RUFY1: variants seen among roughly 807,000 people sequenced by gnomAD.
RUFY1 encodes the protein RUN and FYVE domain containing 1, also known as RUN and FYVE domain-containing protein 1.
A neutral mutation model predicts 94.6 loss-of-function variants in RUFY1; 54 were observed. That is an observed-to-expected ratio of 0.57 (90% CI 0.46 to 0.72). RUFY1 has a LOEUF of 0.72. RUFY1 is among the 30% of genes least tolerant of loss of function. The pLI is 0.00. For synonymous variants in RUFY1, 396 were observed against 347.3 expected, an observed-to-expected ratio of 1.14 and a Z score of -1.56; for missense variants, 883 against 883.9, an observed-to-expected ratio of 1.00 and a Z score of 0.01.
At chr5:179,607,933 C>T (rs1767282752) in intron 17 of RUFY1, among the ~76,000 whole-genome samples, 1 of 152,184 alleles carries the variant, frequency 6.6e-6, no homozygotes, top group African/African-American at 2.4e-5. Context: ...GATGGGGCTC[C>T]TTGTGTGCAG....
intron 13 of RUFY1, chr5:179,596,998 G>A (rs1228168138): frequency 3.2e-6 from 1 of 315,114 alleles, no homozygotes. Flanking sequence ...TGAACAGAAA[G>A]TCACCTTTCA....
At position 179,572,659 on chromosome 5, in the gene RUFY1, A is replaced by G. The variant is rs184674589; in HGVS notation, c.828+3234A>G. The G allele has an allele frequency of 1.1e-4, 20 of 177,638 alleles. No homozygotes were observed. In the East Asian group the frequency reaches 3.0e-3, roughly 27 times the overall value. 11.0% of individuals were successfully genotyped at this position (177,638 alleles called of 1,614,324 possible). The stretch of plus-strand genomic sequence containing the variant: ...TCCAGTACGCAGATGAGCACGGGAA[A>G]GTTTGTCCCACTGGCTGGAAGCCTG... On this transcript the variant is annotated intron_variant, in intron 5 of 17. Transcript: ENST00000319449.
intron 6 of RUFY1, among the ~76,000 whole-genome samples, chr5:179,579,381 A>G (rs1339345661): frequency 6.6e-6 from 1 of 151,928 alleles, no homozygotes; most frequent in Non-Finnish European, 1.5e-5. Flanking sequence ...CCCAGGCTGG[A>G]GTGTAGCGGC....
chr5:179,601,520 ATCTT>A (rs1051778839), intron 14 of RUFY1, among the ~76,000 whole-genome samples: 8 of 148,916 alleles, frequency 5.4e-5, no homozygotes, highest in Non-Finnish European at 8.9e-5. Flanking sequence ...TGGTTGCTGA[ATCTT>A]TTTTTTTTTT....
chr5:179,584,618 C>CA (rs902165699), intron 7 of RUFY1, among the ~76,000 whole-genome samples: 6 of 151,586 alleles, frequency 4.0e-5, no homozygotes, highest in African/African-American at 1.2e-4. Context: ...CTCACCTCTA[C>CA]AAAAAAATAC....
chr5:179,600,278 C>T (rs1766211593), intron 14 of RUFY1, among the ~76,000 whole-genome samples: 1 of 152,234 alleles, frequency 6.6e-6, no homozygotes, highest in South Asian at 2.1e-4. Context: ...TCCACCGCTG[C>T]TCCCAGTGGT....
intron 9 of RUFY1, among the ~76,000 whole-genome samples, chr5:179,590,461 T>C (rs1282919337): frequency 6.6e-6 from 1 of 152,064 alleles, no homozygotes; most frequent in East Asian, 1.9e-4. Flanking sequence ...TTCCTGCGAA[T>C]GGAGTCTTGT....
chr5:179,602,378 C>T lies in RUFY1; in HGVS notation c.1856+392C>T, dbSNP rs534242598. On this transcript the variant is annotated intron_variant, in intron 15 of 17. Transcript: ENST00000319449. ...CTGGCACAGTAGAGGTGCACTCACC[C>T]GCCTTGCACAGCACAGCCCCCTTCC... 2.2e-5 allele frequency: 4 copies of T among 185,760 alleles called. No homozygotes were observed. In the South Asian group the frequency reaches 3.6e-4, roughly 17 times the overall value. 11.5% of individuals were successfully genotyped at this position (185,760 alleles called of 1,614,324 possible).
intron 8 of RUFY1, 144 bp from the exon 9 acceptor site, chr5:179,589,402 A>G: frequency 1.6e-6 from 1 of 618,076 alleles, no homozygotes; most frequent in Non-Finnish European, 2.9e-6. Context: ...GGAACCATGT[A>G]TTATTACCTA....
At chr5:179,555,694 C>A (rs1300368022) in intron 1 of RUFY1, 1 of 385,980 alleles carries the variant, frequency 2.6e-6, no homozygotes, top group Non-Finnish European at 5.1e-6. Context: ...ATGGCGTGAT[C>A]TCGGGTCACG....
At chr5:179,586,200 G>T in intron 8 of RUFY1, 1 of 432,138 alleles carries the variant, frequency 2.3e-6, no homozygotes, top group South Asian at 1.9e-5. Flanking sequence ...GATGCCGTGT[G>T]CCTCCCTGCT....
At chr5:179,586,444 G>C (rs562981934) in intron 8 of RUFY1, 7 of 456,572 alleles carry the variant, frequency 1.5e-5, no homozygotes, top group African/African-American at 1.0e-4. Flanking sequence ...TAGCAGGAGG[G>C]GGGTGCTCAG....
At chr5:179,583,055 C>T (rs1764284322) in intron 7 of RUFY1, among the ~76,000 whole-genome samples, 1 of 151,936 alleles carries the variant, frequency 6.6e-6, no homozygotes, top group African/African-American at 2.4e-5. Context: ...GTAATCCCAG[C>T]ACTTTGGGAG....
Position 179,589,621 on chromosome 5 carries a change from C to A in RUFY1, c.1102C>A (p.Arg368=). Residue 368 remains arginine, a synonymous_variant, in exon 9 of 18, where the codon CGA becomes AGA. Coordinates refer to ENST00000319449, the MANE Select transcript of RUFY1 (RefSeq NM_025158.5). ...QQLREQNELI[R]ERSEKSVEIT... ...GTTAAGAGAACAAAATGAATTAATTCGAGAAAGAAGTGAAAAGAGTGTAGA... is the reference window on the plus strand; with the variant it reads ...GTTAAGAGAACAAAATGAATTAATTAGAGAAAGAAGTGAAAAGAGTGTAGA... 1 of 1,613,626 alleles carries A rather than the reference C, an allele frequency of 6.2e-7. No homozygotes were observed.
At chr5:179,580,179 C>T (rs1213079597) in intron 6 of RUFY1, among the ~76,000 whole-genome samples, 7 of 150,212 alleles carry the variant, frequency 4.7e-5, no homozygotes, top group African/African-American at 1.2e-4. Flanking sequence ...ACATATATCC[C>T]GTTTTTGTAA....
chr5:179,607,503 G>T (rs1454078387), intron 16 of RUFY1, 79 bp from the exon 17 acceptor site: 1 of 1,162,618 alleles, frequency 8.6e-7, no homozygotes, highest in African/African-American at 1.5e-5. Flanking sequence ...GAGGGACAAT[G>T]GATGTGGCCA....
At position 179,607,706 on chromosome 5, in the gene RUFY1, C is replaced by A. The variant is rs72824532; in HGVS notation, c.1983+47C>A. On this transcript the variant is annotated intron_variant, in intron 17 of 17. Coordinates refer to ENST00000319449, the MANE Select transcript of RUFY1 (RefSeq NM_025158.5). ...CCTCCCAGTGCCCTGAGTCGTTGCC[C>A]GCTGGATTCCCCTTTCTCTGGTTCC... 3.4e-6 allele frequency: 5 copies of A among 1,489,410 alleles called. No individual in the cohort carries two copies. The African/African-American group carries it at 6.9e-5, about 21-fold the overall frequency. 92.3% of individuals were successfully genotyped at this position (1,489,410 alleles called of 1,614,324 possible).
At position 179,601,960 on chromosome 5, in the gene RUFY1, C is replaced by T. The variant is rs188712175; in HGVS notation, c.1830C>T (p.Leu610=). 36 of 1,613,890 alleles carry T rather than the reference C, an allele frequency of 2.2e-5. No individual in the cohort carries two copies. In the African/African-American group the frequency reaches 3.7e-4, roughly 17 times the overall value. The change falls in exon 15 of 18, where the codon CTC becomes CTT. Residue 610 remains leucine (L), a synonymous_variant. Coordinates refer to ENST00000319449, the MANE Select transcript of RUFY1 (RefSeq NM_025158.5). ...QKICEEQEQA[L]QEMGLHLSQS... ...TCTGCGAGGAGCAGGAACAAGCCCT[C>T]CAGGAAATGGGCCTGCACCTCAGCC...
In RUFY1 at chr5:179,563,110, T is replaced by C. The variant is rs572620534; in HGVS notation, c.602+446T>C. Among the ~76,000 whole-genome samples, 3 of 152,246 alleles carry C rather than the reference T, an allele frequency of 2.0e-5. No homozygotes were observed. The South Asian group carries it at 6.2e-4, about 32-fold the overall frequency. On this transcript the variant is annotated intron_variant, in intron 3 of 17. Coordinates refer to ENST00000319449, the MANE Select transcript of RUFY1 (RefSeq NM_025158.5). ...GGGATCGCTATGCTTAGGCTCAAAA[T>C]CAAAAACAGTCCAGAACACAAATAA...
Sources: gnomAD v4.1 joint callset for allele counts (sites outside exome capture counted in the v4.1 genomes callset) on GRCh38, gnomAD v4.1.1 for gene constraint, MANE v1.5 for transcripts, NCBI Gene and HGNC (gene_info 2026-07-23, HGNC 2026-07-21) for gene names.